The following MAP4K4 variants were observed in gnomAD, a reference collection of about 807,000 sequenced individuals.
MAP4K4 encodes the protein mitogen-activated protein kinase kinase kinase kinase 4.
In MAP4K4, 38 loss-of-function variants were observed where a neutral mutation model predicts 189.6. That is an observed-to-expected ratio of 0.20 (90% confidence interval 0.15 to 0.26). The LOEUF (loss-of-function observed/expected upper bound fraction) is 0.26. Ranked by LOEUF, MAP4K4 falls within the 10% of genes least tolerant of loss-of-function variation. The pLI, the probability that MAP4K4 is intolerant of heterozygous loss-of-function variation, is 1.00. For missense variants in MAP4K4, 1,054 were observed against 1,726.9 expected (o/e 0.61, Z 6.91); for synonymous variants, 610 against 624.3 (o/e 0.98, Z 0.34).
intron 4 of MAP4K4, 42 bp from the exon 5 acceptor site, chr2:101,825,277 T>C: frequency 7.5e-7 from 1 of 1,326,180 alleles, no homozygotes; most frequent in Non-Finnish European, 1.1e-6. Flanking sequence ...TCCCAATTTC[T>C]CCAAGATATG....
At chr2:101,882,865 A>T (rs370941445) in intron 28 of MAP4K4, among the ~76,000 whole-genome samples, 180 bp downstream of exon 28, 55 of 152,310 alleles carry the variant, frequency 3.6e-4, no homozygotes, top group African/African-American at 1.2e-3. Flanking sequence ...AGTCTCATCT[A>T]GACATTGTCT....
At chr2:101,743,343 C>CA (rs2063698752) in intron 2 of MAP4K4, among the ~76,000 whole-genome samples, 1 of 152,090 alleles carries the variant, frequency 6.6e-6, no homozygotes, top group Admixed American at 6.6e-5. Flanking sequence ...AACAAAACGA[C>CA]AGAGTTCTCT....
chr2:101,717,230 G>A (rs2048892352), intron 2 of MAP4K4, among the ~76,000 whole-genome samples: 1 of 152,202 alleles, frequency 6.6e-6, no homozygotes, highest in Non-Finnish European at 1.5e-5. Flanking sequence ...GCTTGGGCAG[G>A]AGGAAGTCAT....
At chr2:101,797,349 G>A in intron 3 of MAP4K4, 1 of 1,290,778 alleles carries the variant, frequency 7.7e-7, no homozygotes, top group Non-Finnish European at 1.0e-6. Context: ...CATGACTCTG[G>A]CAGACTTACC....
intron 2 of MAP4K4, among the ~76,000 whole-genome samples, chr2:101,712,653 C>T (rs1407133286): frequency 1.3e-5 from 2 of 151,944 alleles, no homozygotes; most frequent in African/African-American, 4.8e-5. Flanking sequence ...GTGTGTACCA[C>T]CATGCCTGGC....
chr2:101,823,889 G>T lies in MAP4K4; in HGVS notation c.181-39G>T, dbSNP rs778499315. The T allele has an allele frequency of 7.1e-6, 11 of 1,549,162 alleles. No homozygotes were observed. In the South Asian group the frequency reaches 1.2e-4, roughly 17 times the overall value. ...TGGGGGAAGTAAAGTCATTCACATC[G>T]TTCAGTAGCCACACATTTTATTTTT... is the stretch of plus-strand genomic sequence containing the variant. On this transcript the variant is annotated intron_variant, in intron 3 of 32. Coordinates refer to ENST00000324219, the Ensembl canonical transcript of MAP4K4.
chr2:101,841,473 T>C (rs911937142), intron 10 of MAP4K4, among the ~76,000 whole-genome samples: 1 of 152,080 alleles, frequency 6.6e-6, no homozygotes, highest in Non-Finnish European at 1.5e-5. Flanking sequence ...TTTCATCTTT[T>C]TTTTTTTTTG....
chr2:101,794,325 A>G (rs888204815), intron 3 of MAP4K4, among the ~76,000 whole-genome samples: 1 of 152,236 alleles, frequency 6.6e-6, no homozygotes, highest in Non-Finnish European at 1.5e-5. Flanking sequence ...CATGCACAAA[A>G]CAAAGCAAGG....
chr2:101,813,672 C>A (rs984410359), intron 3 of MAP4K4, among the ~76,000 whole-genome samples: 3 of 152,144 alleles, frequency 2.0e-5, no homozygotes, highest in South Asian at 4.1e-4. Flanking sequence ...GGATATGGGA[C>A]ACATTTTTAT....
intron 2 of MAP4K4, among the ~76,000 whole-genome samples, chr2:101,720,306 C>T (rs948647424): frequency 6.6e-5 from 10 of 151,408 alleles, no homozygotes; most frequent in Middle Eastern, 3.4e-3. Flanking sequence ...CCTGAGTCGC[C>T]AGGATTACAG....
intron 2 of MAP4K4, among the ~76,000 whole-genome samples, chr2:101,724,756 C>T (rs1268512380): frequency 6.6e-6 from 1 of 152,186 alleles, no homozygotes; most frequent in African/African-American, 2.4e-5. Context: ...CTACATAGCT[C>T]TATGGATGAG....
At position 101,751,366 on chromosome 2, in the gene MAP4K4, A is replaced by G. The variant is rs532630946; in HGVS notation, c.124-39354A>G. 6.6e-5 allele frequency among the ~76,000 whole-genome samples: 10 copies of G among 152,328 alleles called. No individual in the cohort carries two copies. In the East Asian group the frequency reaches 1.7e-3, roughly 26 times the overall value. On this transcript the variant is annotated intron_variant, in intron 2 of 32. Coordinates refer to ENST00000324219, the Ensembl canonical transcript of MAP4K4. ...CAACAGAGAGGCAGAATACTCTGCC[A>G]TGAGACTGATCCTCTCCTGCTTCCC...
At chr2:101,699,131 A>G (rs952442853) in intron 2 of MAP4K4, among the ~76,000 whole-genome samples, 1 of 152,244 alleles carries the variant, frequency 6.6e-6, no homozygotes. Context: ...TGTGGGGATT[A>G]TAAAATCTGA....
At chr2:101,748,458 A>C (rs1038312846) in intron 2 of MAP4K4, among the ~76,000 whole-genome samples, 1 of 152,190 alleles carries the variant, frequency 6.6e-6, no homozygotes, top group Non-Finnish European at 1.5e-5. Context: ...CGTCCATGTA[A>C]TTTCTATTTC....
intron 2 of MAP4K4, among the ~76,000 whole-genome samples, chr2:101,726,793 A>T (rs1286892866): frequency 6.6e-6 from 1 of 152,222 alleles, no homozygotes; most frequent in Non-Finnish European, 1.5e-5. Flanking sequence ...TGACCCTCTC[A>T]GTCCTTTTTC....
chr2:101,829,737 C>A, intron 6 of MAP4K4, 143 bp downstream of exon 6: 1 of 618,384 alleles, frequency 1.6e-6, no homozygotes, highest in Non-Finnish European at 2.9e-6. Flanking sequence ...GGGAACTGAG[C>A]ATATTACTTA....
At chr2:101,870,236 A>G in intron 22 of MAP4K4, 59 bp from the exon 23 acceptor site, 1 of 1,579,548 alleles carries the variant, frequency 6.3e-7, no homozygotes, top group Non-Finnish European at 8.6e-7. Flanking sequence ...AAAAGCCTAA[A>G]CAGGATCTCC....
At chr2:101,784,557 A>T (rs968912088) in intron 2 of MAP4K4, among the ~76,000 whole-genome samples, 7 of 152,176 alleles carry the variant, frequency 4.6e-5, no homozygotes, top group African/African-American at 1.4e-4. Flanking sequence ...TAAAGATGGG[A>T]ACAAATAAAA....
chr2:101,863,715 G>T, intron 16 of MAP4K4, 106 bp from the exon 17 acceptor site: 2 of 622,120 alleles, frequency 3.2e-6, no homozygotes, highest in Non-Finnish European at 5.6e-6. Flanking sequence ...TACCACCCCG[G>T]TGTGTATTCC....
Sources: allele counts gnomAD v4.1 joint callset (sites outside exome capture counted in the v4.1 genomes callset), GRCh38; gene constraint gnomAD v4.1.1; transcripts MANE v1.5; gene names NCBI Gene and HGNC (gene_info 2026-07-23, HGNC 2026-07-21).